CNNM1: variants seen among roughly 807,000 people sequenced by gnomAD.
The protein encoded by CNNM1 is metal transporter CNNM1.
Under a neutral mutation model 78.8 loss-of-function variants are expected in CNNM1, and 44 were observed. The ratio of observed to expected loss-of-function variants is 0.56; its 90% confidence interval spans 0.44 to 0.72. The LOEUF is 0.72. Ranked by LOEUF, CNNM1 falls within the 30% of genes least tolerant of loss-of-function variation. CNNM1 has a pLI of 0.00. For synonymous variants in CNNM1, 584 were observed against 581.5 expected (o/e 1.00, Z -0.06); for missense variants, 1,101 against 1,292.2 (o/e 0.85, Z 2.27).
At chr10:99,373,319 C>G (rs1454904336) in intron 6 of CNNM1, among the ~76,000 whole-genome samples, 1 of 152,178 alleles carries the variant, frequency 6.6e-6, no homozygotes, top group African/African-American at 2.4e-5. Flanking sequence ...GCTGAAGCCA[C>G]AAGCCCTGCT....
rs1374094454 is a variant in CNNM1 at position 99,392,852 on chromosome 10, G to A, written c.*1336G>A. 2 of 152,858 alleles carry A rather than the reference G, an allele frequency of 1.3e-5. No homozygotes were observed. Among genetic ancestry groups the A allele is most frequent in the Non-Finnish European group, 2.9e-5 (2 of 68,754 alleles). 9.5% of individuals were successfully genotyped at this position (152,858 alleles called of 1,614,324 possible). On this transcript the variant is annotated 3_prime_UTR_variant, in exon 11 of 11. Coordinates refer to ENST00000356713, the MANE Select transcript of CNNM1 (RefSeq NM_020348.3). ...CTGGGCATGTAGTCCCAGCTACTCG[G>A]GAGGCTGAGGCAGGAGAATCGCTTG... is the stretch of plus-strand genomic sequence containing the variant.
intron 3 of CNNM1, among the ~76,000 whole-genome samples, chr10:99,361,790 G>A (rs923391608): frequency 1.3e-4 from 20 of 152,172 alleles, no homozygotes; most frequent in Non-Finnish European, 2.8e-4. Flanking sequence ...ATAATTGCCT[G>A]TCTTTAGTAA....
intron 6 of CNNM1, among the ~76,000 whole-genome samples, chr10:99,370,003 G>A (rs1157332571): frequency 6.6e-6 from 1 of 152,200 alleles, no homozygotes; most frequent in African/African-American, 2.4e-5. Context: ...AAGCGAGGAT[G>A]TGTTTTCCTT....
chr10:99,359,162 C>T (rs1314162337), intron 2 of CNNM1, among the ~76,000 whole-genome samples: 8 of 141,610 alleles, frequency 5.6e-5, no homozygotes, highest in Non-Finnish European at 1.1e-4. Flanking sequence ...TTCCAACACA[C>T]ACTATTGAAA....
intron 1 of CNNM1, among the ~76,000 whole-genome samples, chr10:99,351,548 C>G (rs1015724853): frequency 1.3e-5 from 2 of 152,158 alleles, no homozygotes; most frequent in Admixed American, 1.3e-4. Flanking sequence ...TAAATATTCA[C>G]AAGTCATCCC....
In CNNM1 at chr10:99,329,669, G is replaced by T. The variant is rs751405158; in HGVS notation, c.282G>T (p.Ser94=). ...AAPVPSPTLN[S]GENGTGDWAP... ...CGGTGCCCTCACCGACCCTCAACTC[G>T]GGGGAGAATGGCACCGGCGACTGGG... Residue 94 remains serine, a synonymous_variant, in exon 1 of 11, where the codon TCG becomes TCT. Transcript: ENST00000356713. 2 of 1,556,894 alleles carry T rather than the reference G, an allele frequency of 1.3e-6. No individual in the cohort carries two copies. The highest frequency in any genetic ancestry group is 1.8e-5 in the Admixed American group (1 of 55,770).
intron 7 of CNNM1, among the ~76,000 whole-genome samples, chr10:99,387,526 A>G (rs2032340471): frequency 6.6e-6 from 1 of 152,168 alleles, no homozygotes; most frequent in Non-Finnish European, 1.5e-5. Context: ...TCCATGGGCA[A>G]CCACCCTGCT....
chr10:99,364,110 G>A (rs10883339), intron 4 of CNNM1, among the ~76,000 whole-genome samples: 83,368 of 151,868 alleles, frequency 0.55, 24,620 homozygotes, highest in Non-Finnish European at 0.67. Flanking sequence ...CAGTTTATGA[G>A]GCCCTGGATT....
In CNNM1 at chr10:99,377,235, G is replaced by A; in HGVS notation, c.2340+17G>A. 1 of 1,611,668 alleles carries A rather than the reference G, an allele frequency of 6.2e-7. No homozygotes were observed. The highest frequency in any genetic ancestry group is 8.5e-7 in the Non-Finnish European group (1 of 1,178,256). ...TTTGTGAAGGTAACTCCCCCAGGAA[G>A]GTTATCCTCTCCCTCCCAGTGGGCA... On this transcript the variant is annotated intron_variant, in intron 7 of 10. Transcript: ENST00000356713.
intron 2 of CNNM1, 90 bp downstream of exon 2, chr10:99,357,745 G>A: frequency 7.5e-7 from 1 of 1,335,764 alleles, no homozygotes; most frequent in Non-Finnish European, 1.0e-6. Context: ...TAGAAAGGGT[G>A]TCAGGGCAAA....
At chr10:99,387,425 C>T (rs901319016) in intron 7 of CNNM1, among the ~76,000 whole-genome samples, 4 of 152,226 alleles carry the variant, frequency 2.6e-5, no homozygotes, top group Admixed American at 1.3e-4. Context: ...ATGAGAGCTT[C>T]CCTGCTGGAG....
At chr10:99,379,621 C>T (rs2032076502) in intron 7 of CNNM1, among the ~76,000 whole-genome samples, 1 of 146,810 alleles carries the variant, frequency 6.8e-6, no homozygotes, top group Non-Finnish European at 1.5e-5. Flanking sequence ...AATTTGGATT[C>T]TACTTTAAGT....
At chr10:99,348,441 T>A (rs2030802126) in intron 1 of CNNM1, among the ~76,000 whole-genome samples, 1 of 152,262 alleles carries the variant, frequency 6.6e-6, no homozygotes, top group Admixed American at 6.5e-5. Context: ...TTGTGCATTG[T>A]GCTCATTGCT....
Position 99,330,082 on chromosome 10 carries a change from T to C in CNNM1, c.695T>C (p.Leu232Pro). 6.5e-7 allele frequency: 1 copy of C among 1,536,140 alleles called. No homozygotes were observed. The highest frequency in any genetic ancestry group is 8.7e-7 in the Non-Finnish European group (1 of 1,149,976). ...CTGCGGGCGCTCGGGGCGCTCCTGC[T>C]GCTAGCCTTGTCGGCCCTGTTCAGC... is the stretch of plus-strand genomic sequence containing the variant. ...AWLRALGALLLLALSALFSGL... is the reference protein window; with the variant it reads ...AWLRALGALLPLALSALFSGL... Residue 232 changes from leucine (L) to proline (P), a missense_variant, in exon 1 of 11, where the codon CTG (leucine) becomes CCG (proline). This residue lies in a region of CNNM1 where 476 missense variants were observed against 484.5 expected (regional missense o/e 0.98). Coordinates refer to ENST00000356713, the MANE Select transcript of CNNM1 (RefSeq NM_020348.3).
At chr10:99,380,707 C>T (rs2032116495) in intron 7 of CNNM1, among the ~76,000 whole-genome samples, 1 of 151,890 alleles carries the variant, frequency 6.6e-6, no homozygotes, top group African/African-American at 2.4e-5. Context: ...AGGAAAATCA[C>T]TTGAACCTGG....
At chr10:99,350,687 G>C (rs1170217518) in intron 1 of CNNM1, among the ~76,000 whole-genome samples, 1 of 152,080 alleles carries the variant, frequency 6.6e-6, no homozygotes, top group Non-Finnish European at 1.5e-5. Flanking sequence ...GTGTAGGTTT[G>C]TTACATAGGT....
chr10:99,332,259 A>T (rs2029952096), intron 1 of CNNM1, among the ~76,000 whole-genome samples: 1 of 151,958 alleles, frequency 6.6e-6, no homozygotes, highest in Non-Finnish European at 1.5e-5. Flanking sequence ...TCCCAGAATG[A>T]CTCCTTTGAA....
chr10:99,356,592 GAAAGAAAGAAAGA>G (rs1414427603), intron 1 of CNNM1, among the ~76,000 whole-genome samples: 3 of 124,280 alleles, frequency 2.4e-5, no homozygotes, highest in African/African-American at 3.4e-5. Context: ...AAGAAAGAAA[GAAAGAAAGAAAGA>G]AAAGAAAGAA....
At chr10:99,354,213 C>T (rs7358037) in intron 1 of CNNM1, among the ~76,000 whole-genome samples, 129,228 of 152,178 alleles carry the variant, frequency 0.85, 55,215 homozygotes, top group African/African-American at 0.93. Flanking sequence ...GTGTTAGAAA[C>T]GAAAAACTTT....
Sources: allele counts gnomAD v4.1 joint callset (sites outside exome capture counted in the v4.1 genomes callset), GRCh38; gene constraint gnomAD v4.1.1; regional missense constraint gnomAD v4.1.1; transcripts MANE v1.5; gene names NCBI Gene and HGNC (gene_info 2026-07-23, HGNC 2026-07-21).